The following VPS13C variants were observed in gnomAD, a reference collection of about 807,000 sequenced individuals.
VPS13C encodes vacuolar protein sorting 13 homolog C, also known as intermembrane lipid transfer protein VPS13C.
In VPS13C, 358 loss-of-function variants were observed where a neutral mutation model predicts 456.8. The ratio of observed to expected loss-of-function variants is 0.78; its 90% CI spans 0.72 to 0.86. The LOEUF (loss-of-function observed/expected upper bound fraction) is 0.86. Among genes scored for constraint, VPS13C ranks in the 40% least tolerant of loss-of-function variants. VPS13C has a pLI of 0.00. For synonymous variants in VPS13C, 1,578 were observed against 1,486.7 expected, an observed-to-expected ratio of 1.06 and a Z score of -1.41; for missense variants, 4,818 against 4,385.4, an observed-to-expected ratio of 1.10 and a Z score of -2.79.
chr15:62,056,829 TTCTC>T (rs981518476), intron 1 of VPS13C, among the ~76,000 whole-genome samples: 1 of 152,156 alleles, frequency 6.6e-6, no homozygotes, highest in Non-Finnish European at 1.5e-5. Context: ...TAAGCTATCT[TTCTC>T]TCTGTCTCCT....
chr15:62,033,526 A>G lies in VPS13C; in HGVS notation c.300T>C (p.Ala100=). The G allele has an allele frequency of 3.1e-6, 5 of 1,600,978 alleles. No individual in the cohort carries two copies. The highest frequency in any genetic ancestry group is 4.3e-6 in the Non-Finnish European group (5 of 1,172,234). The change falls in exon 5 of 85, where the codon GCT becomes GCC. Residue 100 remains alanine (A), a synonymous_variant. Coordinates refer to ENST00000644861, the MANE Select transcript of VPS13C (RefSeq NM_020821.3). ...VVPGASIKYD[A]VKEEKSLQDV... is the part of the protein sequence containing the mutation. ...CCTGCAAGGATTTTTCTTCTTTTAC[A>G]GCATCATACTTAATACCTAAAAATA...
chr15:61,969,855 A>T (rs2045492702), intron 27 of VPS13C, among the ~76,000 whole-genome samples: 1 of 152,180 alleles, frequency 6.6e-6, no homozygotes, highest in Admixed American at 6.5e-5. Context: ...TTAACTCTGG[A>T]AATTATAGCC....
rs1175097841 is a variant in VPS13C at position 61,934,250 on chromosome 15, G to A, written c.5837C>T (p.Ser1946Phe). 1.3e-6 allele frequency: 2 copies of A among 1,596,790 alleles called. No homozygotes were observed. Among genetic ancestry groups the A allele is most frequent in the Non-Finnish European group, 1.7e-6 (2 of 1,170,392 alleles). ...GATATCATTGTTATAAAGGATAATG[G>A]AAAGAGATTCAAAGTGAAAGTCAAA... ...LQFDFHFESL[S>F]IILYNNDINQ... The change falls in exon 49 of 85, where the codon TCC becomes TTC. Residue 1946 changes from serine (S) to phenylalanine (F), a missense_variant. This residue lies in a region of VPS13C where 4,552 missense variants were observed against 4,130.6 expected (regional missense o/e 1.10). Coordinates refer to ENST00000644861, the MANE Select transcript of VPS13C (RefSeq NM_020821.3).
chr15:61,898,137 G>A (rs902746056), intron 66 of VPS13C, among the ~76,000 whole-genome samples: 9 of 151,932 alleles, frequency 5.9e-5, no homozygotes, highest in Non-Finnish European at 2.9e-5. Context: ...GGTACCAGCC[G>A]CTGCAAAATC....
At chr15:61,990,317 G>A (rs1596438996) in intron 18 of VPS13C, among the ~76,000 whole-genome samples, 2 of 152,050 alleles carry the variant, frequency 1.3e-5, no homozygotes, top group African/African-American at 4.8e-5. Flanking sequence ...TCTAAATCTT[G>A]ACCTTGATAA....
At chr15:61,987,586 C>T (rs1036800436) in intron 18 of VPS13C, among the ~76,000 whole-genome samples, 2 of 151,974 alleles carry the variant, frequency 1.3e-5, no homozygotes, top group East Asian at 1.9e-4. Context: ...TGGTGAGGGG[C>T]GGATTATGGG....
chr15:62,019,050 T>C (rs570273636), intron 9 of VPS13C, among the ~76,000 whole-genome samples: 59 of 152,320 alleles, frequency 3.9e-4, no homozygotes, highest in African/African-American at 9.6e-4. Context: ...GTCCATTTCT[T>C]CTAGATTTTC....
chr15:61,877,198 T>A (rs1444262887), intron 74 of VPS13C, 144 bp from the exon 75 acceptor site: 1 of 535,424 alleles, frequency 1.9e-6, no homozygotes, highest in African/African-American at 2.0e-5. Flanking sequence ...AATTTATGAT[T>A]GTCTTAATAA....
intron 49 of VPS13C, among the ~76,000 whole-genome samples, 160 bp downstream of exon 49, chr15:61,934,059 G>A (rs2044145964): frequency 6.6e-6 from 1 of 152,082 alleles, no homozygotes; most frequent in South Asian, 2.1e-4. Flanking sequence ...ACAAAGTGAA[G>A]ATAGAGGGCA....
At chr15:62,058,396 A>T (rs556817692) in intron 1 of VPS13C, among the ~76,000 whole-genome samples, 14 of 152,292 alleles carry the variant, frequency 9.2e-5, no homozygotes, top group Middle Eastern at 3.4e-3. Context: ...GTAAACAAAG[A>T]ATGTACAGTA....
In VPS13C at chr15:61,913,369, A is replaced by G; in HGVS notation, c.8492T>C (p.Leu2831Ser). 1 of 1,614,100 alleles carries G rather than the reference A, an allele frequency of 6.2e-7. No individual in the cohort carries two copies. The highest frequency in any genetic ancestry group is 8.5e-7 in the Non-Finnish European group (1 of 1,179,986). Residue 2831 changes from leucine (L) to serine (S), a missense_variant, in exon 62 of 85, where the codon TTG becomes TCG. By Grantham distance (145) the Leu-to-Ser change is moderately radical. Coordinates refer to ENST00000644861, the MANE Select transcript of VPS13C (RefSeq NM_020821.3). ...ACACCCATAACTTCCCACTGTATCC[A>G]ATGAGAAACTACTGGACCAGGCACT... Reference protein sequence around the residue: ...STSAWSSSFSLDTVGSYGCVK... With the variant: ...STSAWSSSFSSDTVGSYGCVK...
At chr15:61,944,404 C>T (rs1454927482) in intron 45 of VPS13C, among the ~76,000 whole-genome samples, 2 of 152,008 alleles carry the variant, frequency 1.3e-5, no homozygotes, top group Non-Finnish European at 2.9e-5. Context: ...CAACAGTGGA[C>T]TAGATAAAGG....
intron 56 of VPS13C, 73 bp from the exon 57 acceptor site, chr15:61,920,404 A>G: frequency 6.7e-7 from 1 of 1,499,738 alleles, no homozygotes. Context: ...TACCATAATT[A>G]CACATTTTTT....
At position 61,963,909 on chromosome 15, in the gene VPS13C, A is replaced by G; in HGVS notation, c.3257T>C (p.Leu1086Pro). 6.2e-7 allele frequency: 1 copy of G among 1,612,268 alleles called. No homozygotes were observed. Among genetic ancestry groups the G allele is most frequent in the Non-Finnish European group, 8.5e-7 (1 of 1,178,752 alleles). The change falls in exon 32 of 85, where the codon CTA (leucine) becomes CCA (proline). Residue 1086 changes from leucine to proline, a missense_variant. Transcript: ENST00000644861. ...ACAGAAAGCATTCAACTTGGCAAATAGCCTGAAATCAATAATGTCACTATC... is the reference window on the plus strand; with the variant it reads ...ACAGAAAGCATTCAACTTGGCAAATGGCCTGAAATCAATAATGTCACTATC... ...SRDSDIIDFR[L>P]FAKLNAFCVI...
chr15:62,019,158 G>A (rs149013903), intron 9 of VPS13C, among the ~76,000 whole-genome samples: 88 of 151,896 alleles, frequency 5.8e-4, no homozygotes, highest in African/African-American at 1.8e-3. Context: ...TTTTTATTGC[G>A]TCTATCTGAT....
chr15:61,969,324 G>T lies in VPS13C; in HGVS notation c.2886C>A (p.Ile962=), dbSNP rs2045475369. ...CTTCAATTTCATGATAATCCAAGCT[G>T]ATTTTCTTTAAATAAGATACCACAG... ...DLTVVSYLKK[I]SLDYHEIEGS... Residue 962 remains isoleucine (I), a synonymous_variant, in exon 28 of 85, where the codon ATC becomes ATA. Transcript: ENST00000644861. 2 of 1,600,212 alleles carry T rather than the reference G, an allele frequency of 1.2e-6. No homozygotes were observed. The highest frequency in any genetic ancestry group is 1.7e-6 in the Non-Finnish European group (2 of 1,174,340).
chr15:61,857,931 T>C (rs1225858858), intron 82 of VPS13C, among the ~76,000 whole-genome samples: 3 of 152,178 alleles, frequency 2.0e-5, no homozygotes, highest in African/African-American at 7.2e-5. Flanking sequence ...GATGGTCTTG[T>C]GCACTGGACA....
Position 62,044,259 on chromosome 15 carries a change from TA to T in VPS13C, c.101-5del. 4.1e-6 allele frequency: 6 copies of T among 1,465,310 alleles called. No individual in the cohort carries two copies. The highest frequency in any genetic ancestry group is 3.8e-5 in the Admixed American group (2 of 52,048). 90.8% of individuals were successfully genotyped at this position (1,465,310 alleles called of 1,614,324 possible). On this transcript the variant is annotated splice_polypyrimidine_tract_variant and splice_region_variant and intron_variant, in intron 1 of 84. Coordinates refer to ENST00000644861, the MANE Select transcript of VPS13C (RefSeq NM_020821.3). ...AGATTATCTAAAGCCACATTTCCTT[TA>T]AAAAAAGAAAACAAAGAAAAATATT...
At chr15:61,941,616 T>G in intron 46 of VPS13C, 147 bp downstream of exon 46, 1 of 810,778 alleles carries the variant, frequency 1.2e-6, no homozygotes, top group Middle Eastern at 3.8e-4. Flanking sequence ...GTTTAACCAC[T>G]GACCAAGAAG....
Sources: allele counts gnomAD v4.1 joint callset (sites outside exome capture counted in the v4.1 genomes callset), GRCh38; gene constraint gnomAD v4.1.1; regional missense constraint gnomAD v4.1.1; transcripts MANE v1.5; gene names NCBI Gene and HGNC (gene_info 2026-07-23, HGNC 2026-07-21).